The following IQGAP3 variants were observed in gnomAD, a reference collection of about 807,000 sequenced individuals.
IQGAP3 encodes ras GTPase-activating-like protein IQGAP3.
IQGAP3 carries 165 observed loss-of-function variants against 208.2 expected under a neutral mutation model. That is an observed-to-expected ratio of 0.79 (90% CI 0.70 to 0.90). IQGAP3 has a LOEUF of 0.90. IQGAP3 is among the 40% of genes least tolerant of loss of function. The pLI is 0.00. For synonymous variants in IQGAP3, 703 were observed against 803.6 expected, an observed-to-expected ratio of 0.87 and a Z score of 2.12; for missense variants, 1,811 against 2,043.1, an observed-to-expected ratio of 0.89 and a Z score of 2.19.
At chr1:156,562,109 C>A in intron 9 of IQGAP3, 108 bp from the exon 10 acceptor site, 2 of 1,025,294 alleles carry the variant, frequency 2.0e-6, no homozygotes, top group Non-Finnish European at 2.8e-6. Context: ...GAATTACCCC[C>A]ACCCTTTCCC....
intron 22 of IQGAP3, 95 bp downstream of exon 22, chr1:156,543,886 C>G: frequency 9.5e-7 from 1 of 1,050,162 alleles, no homozygotes; most frequent in South Asian, 1.3e-5. Flanking sequence ...CTTCCCCTTA[C>G]CTGCTGTGCA....
At chr1:156,568,720 G>A (rs1382465870) in intron 2 of IQGAP3, among the ~76,000 whole-genome samples, 3 of 152,078 alleles carry the variant, frequency 2.0e-5, no homozygotes, top group Non-Finnish European at 4.4e-5. Context: ...ATGGGGTTTC[G>A]CCATGTTGCT....
intron 9 of IQGAP3, among the ~76,000 whole-genome samples, chr1:156,562,298 T>C (rs537463720): frequency 1.5e-4 from 23 of 151,468 alleles, no homozygotes; most frequent in African/African-American, 5.1e-4. Context: ...TTCTCCACAT[T>C]GCCCCTCTCG....
At chr1:156,557,907 C>T (rs1160203517) in intron 11 of IQGAP3, among the ~76,000 whole-genome samples, 2 of 10,094 alleles carry the variant, frequency 2.0e-4, no homozygotes, top group East Asian at 0.013. Flanking sequence ...CCCGGCCAGC[C>T]GCCCCGTCCG....
intron 5 of IQGAP3, 116 bp from the exon 6 acceptor site, chr1:156,563,940 C>T (rs1409358849): frequency 2.6e-6 from 2 of 759,812 alleles, no homozygotes; most frequent in African/African-American, 3.5e-5. Context: ...CACTCAGCAC[C>T]TGCCCTCAAG....
intron 11 of IQGAP3, among the ~76,000 whole-genome samples, chr1:156,560,638 G>T (rs1676105990): frequency 6.6e-6 from 1 of 152,226 alleles, no homozygotes; most frequent in East Asian, 1.9e-4. Flanking sequence ...AGGAATTCAA[G>T]CAGGTTGAAA....
rs141890307 is a variant in IQGAP3, at chr1:156,533,843, A to G, written c.3906T>C (p.Pro1302=). 623 of 1,612,464 alleles carry G rather than the reference A, an allele frequency of 3.9e-4. 1 individual carries two copies. The African/African-American group carries it at 5.8e-3, about 15-fold the overall frequency. Residue 1302 remains proline, a synonymous_variant, in exon 31 of 38, where the codon CCT becomes CCC. Coordinates refer to ENST00000361170, the MANE Select transcript of IQGAP3 (RefSeq NM_178229.5). ...GCTCATGCAGGGGGTCTTGGTGATC[A>G]GGGGCAATGCAGTCCTGGTGCTCCA... The part of the protein sequence containing the change: ...LLLEHQDCIA[P]DHQDPLHELL...
In IQGAP3 at chr1:156,542,813, C is replaced by T. The variant is rs527905005; in HGVS notation, c.2530+1168G>A. Among the ~76,000 whole-genome samples, 7 of 152,094 alleles carry T rather than the reference C, an allele frequency of 4.6e-5. No homozygotes were observed. In the East Asian group the frequency reaches 7.7e-4, roughly 17 times the overall value. On this transcript the variant is annotated intron_variant, in intron 22 of 37. Transcript: ENST00000361170. ...AAAGTTAGCCAGTTGTGGTGGTGTA[C>T]GCCTCCAGTCCCAGCTACTCAGGAG...
chr1:156,529,979 G>T, intron 34 of IQGAP3, 126 bp downstream of exon 34: 1 of 672,440 alleles, frequency 1.5e-6, no homozygotes, highest in Non-Finnish European at 2.5e-6. Context: ...GCCTTCCTCT[G>T]GCTGGTGACA....
chr1:156,562,982 C>G, intron 8 of IQGAP3, 152 bp downstream of exon 8: 1 of 728,364 alleles, frequency 1.4e-6, no homozygotes, highest in Non-Finnish European at 2.3e-6. Context: ...TTCCAAGTTC[C>G]TTTCCTATTT....
chr1:156,547,081 G>C (rs1675280735), intron 19 of IQGAP3, among the ~76,000 whole-genome samples: 2 of 152,212 alleles, frequency 1.3e-5, no homozygotes, highest in African/African-American at 2.4e-5. Flanking sequence ...GATCACATCT[G>C]CCTGGGAAGG....
In IQGAP3 at chr1:156,561,905, C is replaced by T. The variant is rs1231281600; in HGVS notation, c.974G>A (p.Gly325Glu). The change falls in exon 10 of 38, where the codon GGG becomes GAG. Residue 325 changes from glycine (G) to glutamate (E), a missense_variant. By Grantham distance (98) the Gly-to-Glu change is moderately conservative (BLOSUM62 -2). Coordinates refer to ENST00000361170, the MANE Select transcript of IQGAP3 (RefSeq NM_178229.5). ...ALQDPALALRGVRRDFADWYL... is the reference protein window; with the variant it reads ...ALQDPALALREVRRDFADWYL... ...CCAGTCAGCAAAGTCTCTCCTCACC[C>T]CTCGCAGGGCCAGGGCAGGGTCTTG... The T allele has an allele frequency of 6.2e-7, 1 of 1,614,068 alleles. No homozygotes were observed. Among genetic ancestry groups the T allele is most frequent in the Non-Finnish European group, 8.5e-7 (1 of 1,179,992 alleles).
chr1:156,544,147 C>T lies in IQGAP3; in HGVS notation c.2460+5G>A. The T allele has an allele frequency of 6.2e-7, 1 of 1,614,070 alleles. No individual in the cohort carries two copies. The highest frequency in any genetic ancestry group is 1.6e-4 in the Middle Eastern group (1 of 6,062). The stretch of plus-strand genomic sequence containing the variant: ...TGTGGGCAGGGGGAACAAGGTGACA[C>T]TCACATTCTTCTGGAAGTAGTGCAG... On this transcript the variant is annotated splice_donor_5th_base_variant and intron_variant, in intron 21 of 37. Coordinates refer to ENST00000361170, the MANE Select transcript of IQGAP3 (RefSeq NM_178229.5).
rs188149873 is a variant in IQGAP3, at chr1:156,561,908, C to T, written c.971G>A (p.Arg324Gln). 11 of 1,613,974 alleles carry T rather than the reference C, an allele frequency of 6.8e-6. No homozygotes were observed. In the Admixed American group the frequency reaches 8.3e-5, roughly 12 times the overall value. Reference sequence around the variant, plus strand: ...GTCAGCAAAGTCTCTCCTCACCCCTCGCAGGGCCAGGGCAGGGTCTTGAAG... The same window carrying T: ...GTCAGCAAAGTCTCTCCTCACCCCTTGCAGGGCCAGGGCAGGGTCTTGAAG... ...KALQDPALAL[R>Q]GVRRDFADWY... The change falls in exon 10 of 38, where the codon CGA (arginine) becomes CAA (glutamine). Residue 324 changes from arginine to glutamine, a missense_variant. By Grantham distance (43) the Arg-to-Gln change is conservative. Transcript: ENST00000361170.
intron 37 of IQGAP3, among the ~76,000 whole-genome samples, chr1:156,527,346 C>A (rs12747719): frequency 3.3e-5 from 5 of 151,350 alleles, no homozygotes; most frequent in Admixed American, 2.6e-4. Context: ...GGTGTGGTGG[C>A]GCACGCCTGT....
At position 156,562,631 on chromosome 1, in the gene IQGAP3, T is replaced by G; in HGVS notation, c.833A>C (p.Tyr278Ser). 1 of 1,614,088 alleles carries G rather than the reference T, an allele frequency of 6.2e-7. No individual in the cohort carries two copies. The highest frequency in any genetic ancestry group is 8.5e-7 in the Non-Finnish European group (1 of 1,179,986). ...GCCCTGGATTTCAGCCTGAGTTAGG[T>G]AGTGGTCATAGATGTCCTGGCTTTC... ...DRESQDIYDH[Y>S]LTQAEIQGNI... Residue 278 changes from tyrosine (Y) to serine (S), a missense_variant, in exon 9 of 38, where the codon TAC (tyrosine) becomes TCC (serine). Tyr to Ser is a moderately radical substitution (Grantham distance 144, BLOSUM62 -2). Transcript: ENST00000361170.
Position 156,533,871 on chromosome 1 carries a change from A to G in IQGAP3, c.3878T>C (p.Leu1293Ser), listed in dbSNP as rs1338961852. 6 of 1,609,980 alleles carry G rather than the reference A, an allele frequency of 3.7e-6. No individual in the cohort carries two copies. Among genetic ancestry groups the G allele is most frequent in the Admixed American group, 3.4e-5 (2 of 59,618 alleles). Residue 1293 changes from leucine (L) to serine (S), a missense_variant, in exon 31 of 38, where the codon TTG (leucine) becomes TCG (serine). By Grantham distance (145) the Leu-to-Ser change is moderately radical. Transcript: ENST00000361170. ...VGELVNTHRLLLEHQDCIAPD... is the reference protein window; with the variant it reads ...VGELVNTHRLSLEHQDCIAPD... Reference sequence around the variant, plus strand: ...GGCAATGCAGTCCTGGTGCTCCAGCAACAGCTGCAGGACGGAGAAAGAAAA... The same window carrying G: ...GGCAATGCAGTCCTGGTGCTCCAGCGACAGCTGCAGGACGGAGAAAGAAAA...
chr1:156,535,311 G>A (rs1674641665), intron 27 of IQGAP3, 64 bp from the exon 28 acceptor site: 1 of 1,139,646 alleles, frequency 8.8e-7, no homozygotes, highest in East Asian at 2.4e-5. Context: ...CCAGAGATAA[G>A]AGCTTGAGTG....
At chr1:156,538,373 G>C (rs1190205312) in intron 26 of IQGAP3, among the ~76,000 whole-genome samples, 1 of 151,870 alleles carries the variant, frequency 6.6e-6, no homozygotes, top group African/African-American at 2.4e-5. Flanking sequence ...ATTTTTAGTA[G>C]AGATAGAGTT....
Sources: gnomAD v4.1 joint callset for allele counts (sites outside exome capture counted in the v4.1 genomes callset) on GRCh38, gnomAD v4.1.1 for gene constraint, MANE v1.5 for transcripts, NCBI Gene and HGNC (gene_info 2026-07-23, HGNC 2026-07-21) for gene names.